DEPDC5: variants seen among roughly 807,000 people sequenced by gnomAD.
The protein encoded by DEPDC5 is DEP domain containing 5, GATOR1 subcomplex subunit.
DEPDC5 carries 73 observed loss-of-function variants against 217.3 expected under a neutral mutation model. That is an observed-to-expected ratio of 0.34 (90% CI 0.28 to 0.41). The LOEUF is 0.41. DEPDC5 is among the 10% of genes least tolerant of loss of function. DEPDC5 has a pLI of 1.00. For synonymous variants in DEPDC5, 733 were observed against 756.7 expected, an observed-to-expected ratio of 0.97 and a Z score of 0.51; for missense variants, 1,675 against 2,070.1, an observed-to-expected ratio of 0.81 and a Z score of 3.70.
intron 38 of DEPDC5, among the ~76,000 whole-genome samples, chr22:31,881,815 G>A (rs1268091849): frequency 1.3e-5 from 2 of 151,692 alleles, no homozygotes; most frequent in African/African-American, 4.8e-5. Context: ...GTGTGGTGGC[G>A]GGTACCTGCA....
chr22:31,857,852 C>T, intron 32 of DEPDC5: 1 of 249,462 alleles, frequency 4.0e-6, no homozygotes, highest in Non-Finnish European at 7.7e-6. Context: ...GAGTTTGAGA[C>T]CAGCATACGC....
chr22:31,768,054 A>T lies in DEPDC5; in HGVS notation c.364-760A>T, dbSNP rs569974383. 3.0e-3 allele frequency among the ~76,000 whole-genome samples: 448 copies of T among 150,674 alleles called. 3 individuals carry two copies. The highest frequency in any genetic ancestry group is 0.014 in the East Asian group (73 of 5,172). Reference sequence around the variant, plus strand: ...GCCAGTGCACCCGGCCCCATTTTTTAAAAAAAAATATTTTTATTATATTTT... The same window carrying T: ...GCCAGTGCACCCGGCCCCATTTTTTTAAAAAAAATATTTTTATTATATTTT... On this transcript the variant is annotated intron_variant, in intron 6 of 42. Coordinates refer to ENST00000651528, the MANE Select transcript of DEPDC5 (RefSeq NM_001242896.3).
At chr22:31,888,627 G>A (rs2093370841) in intron 38 of DEPDC5, among the ~76,000 whole-genome samples, 1 of 152,040 alleles carries the variant, frequency 6.6e-6, no homozygotes, top group Non-Finnish European at 1.5e-5. Flanking sequence ...CTAGCTTGCT[G>A]CAGCGTCAAC....
chr22:31,825,855 C>G (rs2090104228), intron 24 of DEPDC5, among the ~76,000 whole-genome samples: 1 of 152,162 alleles, frequency 6.6e-6, no homozygotes, highest in Non-Finnish European at 1.5e-5. Context: ...CACCTGCCTC[C>G]TCTTCCACAT....
intron 33 of DEPDC5, among the ~76,000 whole-genome samples, chr22:31,864,501 A>ATATATATATATATATATATATATATAT (rs2092618825): frequency 8.1e-6 from 1 of 123,156 alleles, no homozygotes; most frequent in Non-Finnish European, 1.7e-5. Flanking sequence ...TCTTCATTAA[A>ATATATATATATATATATATATATATAT]ATATATATAT....
chr22:31,884,289 C>A (rs570437019), intron 38 of DEPDC5, among the ~76,000 whole-genome samples: 1 of 152,158 alleles, frequency 6.6e-6, no homozygotes, highest in African/African-American at 2.4e-5. Context: ...TGGCAGTCAT[C>A]CCCCTCCCTG....
At chr22:31,805,161 T>G in intron 17 of DEPDC5, 1 of 289,452 alleles carries the variant, frequency 3.5e-6, no homozygotes, top group East Asian at 7.8e-5. Flanking sequence ...AGTTCCCATG[T>G]CCTTCTATTC....
intron 12 of DEPDC5, among the ~76,000 whole-genome samples, chr22:31,794,152 C>T (rs1360072498): frequency 6.6e-6 from 1 of 152,128 alleles, no homozygotes; most frequent in African/African-American, 2.4e-5. Context: ...CACTGTATTC[C>T]TCAACCTCAT....
chr22:31,881,896 A>C (rs149140438), intron 38 of DEPDC5, among the ~76,000 whole-genome samples: 2,125 of 151,542 alleles, frequency 0.014, 31 homozygotes, highest in Non-Finnish European at 0.022. Flanking sequence ...CGGTGAGCCT[A>C]GATGGCACCA....
intron 33 of DEPDC5, among the ~76,000 whole-genome samples, chr22:31,867,332 A>G (rs1044350140): frequency 4.6e-5 from 7 of 152,242 alleles, no homozygotes; most frequent in African/African-American, 1.7e-4. Context: ...CTTGTAAAGT[A>G]GATAGAATTT....
chr22:31,879,416 G>A lies in DEPDC5; in HGVS notation c.3806-109G>A, dbSNP rs7290785. On this transcript the variant is annotated intron_variant, in intron 37 of 42. Transcript: ENST00000651528. ...TATACAGTATGTGGCCTTGTGTGTC[G>A]GCTTCTTTTACTTAGCGTGTTTTTA... 2.6e-3 allele frequency: 2,636 copies of A among 1,014,042 alleles called. 36 individuals are homozygous for A. In the African/African-American group the frequency reaches 0.033, roughly 13 times the overall value. 62.8% of individuals were successfully genotyped at this position (1,014,042 alleles called of 1,614,324 possible). A position where few individuals can be genotyped will look rare whatever the true frequency, so the allele number is the denominator to read the frequency against.
At chr22:31,836,909 G>T in intron 25 of DEPDC5, 63 bp from the exon 26 acceptor site, 65 of 1,394,650 alleles carry the variant, frequency 4.7e-5, no homozygotes, top group South Asian at 2.4e-4. Flanking sequence ...CCCTCCCCTG[G>T]CCCCCCATCC....
At position 31,836,960 on chromosome 22, in the gene DEPDC5, T is replaced by TA. The variant is rs769116792; in HGVS notation, c.2171-11dup. 1.1e-5 allele frequency: 17 copies of TA among 1,611,928 alleles called. No homozygotes were observed. Among genetic ancestry groups the TA allele is most frequent in the Non-Finnish European group, 1.2e-5 (14 of 1,178,946 alleles). ...GACCACATGTACCTTTTCCCCCTGT[T>TA]ACGTGAGGCAGTTCTGACACTGTCT... On this transcript the variant is annotated splice_polypyrimidine_tract_variant and intron_variant, in intron 25 of 42. Transcript: ENST00000651528.
At position 31,821,498 on chromosome 22, in the gene DEPDC5, G is replaced by T. The variant is rs369749039; in HGVS notation, c.1871-4G>T. On this transcript the variant is annotated splice_polypyrimidine_tract_variant and splice_region_variant and intron_variant, in intron 22 of 42. Transcript: ENST00000651528. ...TGATGCTCAGTGGTTCTTTATCTGG[G>T]TAGGGCCATCCGGAGAAGCCATCCA... The T allele has an allele frequency of 2.5e-5, 41 of 1,614,030 alleles. No individual in the cohort carries two copies. The highest frequency in any genetic ancestry group is 3.5e-5 in the Non-Finnish European group (41 of 1,180,002).
chr22:31,871,666 C>T (rs1451678808), intron 34 of DEPDC5, among the ~76,000 whole-genome samples: 1 of 152,198 alleles, frequency 6.6e-6, no homozygotes, highest in African/African-American at 2.4e-5. Context: ...TCTGCTTCCT[C>T]ATTGCTTACA....
chr22:31,804,255 C>G, intron 16 of DEPDC5, 32 bp downstream of exon 16: 1 of 1,607,242 alleles, frequency 6.2e-7, no homozygotes, highest in Admixed American at 1.7e-5. Context: ...TTACTAAAGG[C>G]CAGTTGGAGT....
At chr22:31,818,901 A>T in intron 21 of DEPDC5, 121 bp from the exon 22 acceptor site, 1 of 960,924 alleles carries the variant, frequency 1.0e-6, no homozygotes, top group Non-Finnish European at 1.6e-6. Flanking sequence ...CATTTCTCTC[A>T]CTCCCTGACA....
intron 37 of DEPDC5, among the ~76,000 whole-genome samples, chr22:31,878,344 A>G (rs949352785): frequency 4.6e-5 from 7 of 152,220 alleles, no homozygotes; most frequent in African/African-American, 1.7e-4. Flanking sequence ...GTAGATACCT[A>G]TCTTACCTTC....
chr22:31,822,883 T>C, intron 24 of DEPDC5, 93 bp downstream of exon 24: 1 of 1,290,072 alleles, frequency 7.8e-7, no homozygotes, highest in Non-Finnish European at 1.1e-6. Flanking sequence ...GCCATGTCTA[T>C]TTTGAGATCA....
Sources: gnomAD v4.1 joint callset for allele counts (sites outside exome capture counted in the v4.1 genomes callset) on GRCh38, gnomAD v4.1.1 for gene constraint, MANE v1.5 for transcripts, NCBI Gene and HGNC (gene_info 2026-07-23, HGNC 2026-07-21) for gene names.